CREBL2: variants seen among roughly 807,000 people sequenced by gnomAD.
The protein encoded by CREBL2 is cAMP responsive element binding protein like 2.
A neutral mutation model predicts 19.5 loss-of-function variants in CREBL2; 4 were observed. The observed-to-expected ratio is 0.20, with a 90% CI of 0.10 to 0.47. The LOEUF (loss-of-function observed/expected upper bound fraction) is 0.47, where lower values mean the gene tolerates loss of function less well. Ranked by LOEUF, CREBL2 falls within the 20% of genes least tolerant of loss-of-function variation. CREBL2 has a pLI of 0.98. For synonymous variants in CREBL2, 42 were observed against 46.6 expected (o/e 0.90, Z 0.40); for missense variants, 85 against 145.1 (o/e 0.59, Z 2.13).
In CREBL2 at chr12:12,642,160, A is replaced by G; in HGVS notation, c.*162A>G. Reference sequence around the variant, plus strand: ...CAAAATGTGTGATCGTAGATCTCAAAGGATCTTGCTTTAACTTTCAACACT... The same window carrying G: ...CAAAATGTGTGATCGTAGATCTCAAGGGATCTTGCTTTAACTTTCAACACT... On this transcript the variant is annotated 3_prime_UTR_variant, in exon 4 of 4. Coordinates refer to ENST00000228865, the MANE Select transcript of CREBL2 (RefSeq NM_001310.4). The G allele has an allele frequency of 2.2e-6, 1 of 451,928 alleles. No individual in the cohort carries two copies. The highest frequency in any genetic ancestry group is 3.9e-6 in the Non-Finnish European group (1 of 257,928). 28.0% of individuals were successfully genotyped at this position (451,928 alleles called of 1,614,324 possible). A position where few individuals can be genotyped will look rare whatever the true frequency, so the allele number is the denominator to read the frequency against.
In CREBL2 at chr12:12,615,162, A is replaced by G. The variant is rs138179014; in HGVS notation, c.15+2975A>G. Among the ~76,000 whole-genome samples the G allele has an allele frequency of 1.0e-3, 154 of 152,166 alleles. 4 individuals are homozygous for G. In the East Asian group the frequency reaches 0.023, roughly 23 times the overall value. On this transcript the variant is annotated intron_variant, in intron 1 of 3. Transcript: ENST00000228865. Reference sequence around the variant, plus strand: ...CCTGAGTAGCTGGGATTACAGGTGCATGCCACCACAACCGATTAATTTTTG... The same window carrying G: ...CCTGAGTAGCTGGGATTACAGGTGCGTGCCACCACAACCGATTAATTTTTG...
rs1945530616 is a variant in CREBL2, at chr12:12,642,479, CTTA to C, written c.*484_*486del. 6.5e-6 allele frequency: 1 copy of C among 152,968 alleles called. No homozygotes were observed. Among genetic ancestry groups the C allele is most frequent in the African/African-American group, 2.4e-5 (1 of 41,464 alleles). The allele number at this position is 152,968 out of a possible 1,614,324, so 9.5% of individuals were successfully genotyped here. A position where few individuals can be genotyped will look rare whatever the true frequency, so the allele number is the denominator to read the frequency against. On this transcript the variant is annotated 3_prime_UTR_variant, in exon 4 of 4. Transcript: ENST00000228865. ...AGTTCTCAGCCTTTATGGACCTAATCTTATTTTTATTTACTTGAGTAATGTTTA... is the reference window on the plus strand; with the variant it reads ...AGTTCTCAGCCTTTATGGACCTAATCTTTTTATTTACTTGAGTAATGTTTA...
intron 3 of CREBL2, among the ~76,000 whole-genome samples, chr12:12,640,811 C>T (rs1332768838): frequency 1.3e-5 from 2 of 152,108 alleles, no homozygotes; most frequent in African/African-American, 4.8e-5. Flanking sequence ...CAGATATTTT[C>T]TCCCCTTCTC....
chr12:12,633,284 CCCGGTGGATCA>C (rs1286076921), intron 1 of CREBL2, among the ~76,000 whole-genome samples: 1 of 151,926 alleles, frequency 6.6e-6, no homozygotes, highest in Non-Finnish European at 1.5e-5. Flanking sequence ...TTGGGCCAGG[CCCGGTGGATCA>C]CCTCAGGTGG....
intron 1 of CREBL2, among the ~76,000 whole-genome samples, chr12:12,617,294 A>G (rs1169586116): frequency 6.6e-6 from 1 of 152,226 alleles, no homozygotes; most frequent in Non-Finnish European, 1.5e-5. Context: ...ACAATGGCAA[A>G]TGAGAGAAAT....
intron 1 of CREBL2, among the ~76,000 whole-genome samples, chr12:12,635,027 G>T (rs1317665332): frequency 6.6e-6 from 1 of 151,790 alleles, no homozygotes; most frequent in African/African-American, 2.4e-5. Context: ...GTGCCACTGT[G>T]CTCCAGCCTG....
rs114025149 is a variant in CREBL2 at position 12,613,553 on chromosome 12, G to A, written c.15+1366G>A. 4.6e-3 allele frequency among the ~76,000 whole-genome samples: 704 copies of A among 152,240 alleles called. 9 individuals are homozygous for A. Among genetic ancestry groups the A allele is most frequent in the African/African-American group, 0.016 (669 of 41,518 alleles). On this transcript the variant is annotated intron_variant, in intron 1 of 3. Coordinates refer to ENST00000228865, the MANE Select transcript of CREBL2 (RefSeq NM_001310.4). ...TCCTCTTCATGTAGAAGGCTGTGAG[G>A]AAGTGACAGATGGAAGGGAAAGCCC...
intron 1 of CREBL2, among the ~76,000 whole-genome samples, chr12:12,634,468 A>T (rs1001347990): frequency 7.9e-5 from 12 of 152,196 alleles, no homozygotes; most frequent in Admixed American, 1.3e-4. Context: ...TTTGGGCTCA[A>T]CAAATTTGAG....
chr12:12,623,885 T>C (rs1341552641), intron 1 of CREBL2, among the ~76,000 whole-genome samples: 1 of 152,166 alleles, frequency 6.6e-6, no homozygotes, highest in Non-Finnish European at 1.5e-5. Flanking sequence ...AGAGGGAGCT[T>C]TGATGGACAG....
intron 1 of CREBL2, among the ~76,000 whole-genome samples, chr12:12,618,059 GTCTACTTCGT>G (rs561996027): frequency 6.6e-6 from 1 of 152,332 alleles, no homozygotes; most frequent in African/African-American, 2.4e-5. Flanking sequence ...AGTCTCCTAT[GTCTACTTCGT>G]TCTACACAGA....
chr12:12,639,222 TTTTACCTC>T (rs1945499608), intron 3 of CREBL2, among the ~76,000 whole-genome samples: 1 of 152,168 alleles, frequency 6.6e-6, no homozygotes, highest in African/African-American at 2.4e-5. Context: ...GGACATATGT[TTTTACCTC>T]TTAGATATTG....
rs1195657256 is a variant in CREBL2, at chr12:12,643,353, A to T, written c.*1355A>T. On this transcript the variant is annotated 3_prime_UTR_variant, in exon 4 of 4. Coordinates refer to ENST00000228865, the MANE Select transcript of CREBL2 (RefSeq NM_001310.4). ...GAAATCTTTTGATTTCCCCAGCGAG[A>T]TACTTACCACTCTCTCTTCTCTTTC... 1.3e-5 allele frequency: 2 copies of T among 152,632 alleles called. No homozygotes were observed. The highest frequency in any genetic ancestry group is 2.9e-5 in the Non-Finnish European group (2 of 68,042). 9.5% of individuals were successfully genotyped at this position (152,632 alleles called of 1,614,324 possible).
intron 1 of CREBL2, among the ~76,000 whole-genome samples, chr12:12,633,005 C>T (rs920550346): frequency 4.6e-5 from 7 of 151,334 alleles, no homozygotes; most frequent in African/African-American, 1.5e-4. Flanking sequence ...CCGATCTGGA[C>T]CCACTGCAAC....
chr12:12,616,981 T>C (rs1400619394), intron 1 of CREBL2, among the ~76,000 whole-genome samples: 5 of 152,178 alleles, frequency 3.3e-5, no homozygotes, highest in Admixed American at 3.3e-4. Context: ...ATGATGATAA[T>C]GTGAGGGCCT....
In CREBL2 at chr12:12,642,018, C is replaced by A; in HGVS notation, c.*20C>A. 1 of 1,560,520 alleles carries A rather than the reference C, an allele frequency of 6.4e-7. No individual in the cohort carries two copies. The highest frequency in any genetic ancestry group is 1.1e-5 in the South Asian group (1 of 87,522). On this transcript the variant is annotated 3_prime_UTR_variant, in exon 4 of 4. Transcript: ENST00000228865. The stretch of plus-strand genomic sequence containing the variant: ...GGGTGAAGATTATATAAAGATGAGT[C>A]AGTGATTGAAGCCAATATTCTGATT...
At chr12:12,614,980 C>G (rs1438966628) in intron 1 of CREBL2, 2 of 195,220 alleles carry the variant, frequency 1.0e-5, no homozygotes, top group African/African-American at 4.7e-5. Context: ...GCCCCAGTCT[C>G]CCGAGTAGGT....
chr12:12,629,327 A>T (rs1175820431), intron 1 of CREBL2, among the ~76,000 whole-genome samples: 4 of 152,124 alleles, frequency 2.6e-5, no homozygotes, highest in Non-Finnish European at 5.9e-5. Context: ...CACAGATTTG[A>T]CACTCCTTAT....
intron 1 of CREBL2, among the ~76,000 whole-genome samples, chr12:12,616,316 C>G (rs1029992928): frequency 2.0e-5 from 3 of 152,134 alleles, no homozygotes; most frequent in African/African-American, 7.2e-5. Context: ...TTCAAAATGT[C>G]ATTGTTTAGC....
chr12:12,616,196 C>G (rs886859535), intron 1 of CREBL2, among the ~76,000 whole-genome samples: 1 of 152,094 alleles, frequency 6.6e-6, no homozygotes, highest in Non-Finnish European at 1.5e-5. Context: ...TGAAAGTCTT[C>G]AATAATTTCA....
Sources: gnomAD v4.1 joint callset for allele counts (sites outside exome capture counted in the v4.1 genomes callset) on GRCh38, gnomAD v4.1.1 for gene constraint, MANE v1.5 for transcripts, NCBI Gene and HGNC (gene_info 2026-07-23, HGNC 2026-07-21) for gene names.